Variants in PUS1 observed in about 807,000 individuals in gnomAD.
The protein encoded by PUS1 is pseudouridylate synthase 1 homolog.
In PUS1, 25 loss-of-function variants were observed where a neutral mutation model predicts 38.5. The observed-to-expected ratio is 0.65, with a 90% CI of 0.47 to 0.91. PUS1 has a LOEUF of 0.91. Ranked by LOEUF, PUS1 falls within the 40% of genes least tolerant of loss-of-function variation. The pLI is 0.00. For missense variants in PUS1, 597 were observed against 612.3 expected (o/e 0.97, Z 0.26); for synonymous variants, 282 against 260.4 (o/e 1.08, Z -0.80).
At chr12:131,931,796 G>T in intron 2 of PUS1, 2 of 375,830 alleles carry the variant, frequency 5.3e-6, no homozygotes, top group Non-Finnish European at 9.9e-6. Flanking sequence ...CTCCCAAAGT[G>T]CTGGGATTAC....
Position 131,941,036 on chromosome 12 carries a change from C to T in PUS1, c.545-256C>T, listed in dbSNP as rs1250470006. 3 of 546,460 alleles carry T rather than the reference C, an allele frequency of 5.5e-6. No homozygotes were observed. Among genetic ancestry groups the T allele is most frequent in the African/African-American group, 1.9e-5 (1 of 53,056 alleles). The allele number at this position is 546,460 out of a possible 1,614,324, so 33.9% of individuals were successfully genotyped here. ...GTTGGAGACATTCCGTATCTTCTCACTATTGGAAAATTACAATAAATGGTT... is the reference window on the plus strand; with the variant it reads ...GTTGGAGACATTCCGTATCTTCTCATTATTGGAAAATTACAATAAATGGTT... On this transcript the variant is annotated intron_variant, in intron 4 of 5. Transcript: ENST00000376649. This position sits in a 1 kb window ranked among gnomAD's most constrained non-coding sequence, Gnocchi z 4.4.
chr12:131,939,945 G>C (rs1890993548), intron 4 of PUS1, among the ~76,000 whole-genome samples: 1 of 152,144 alleles, frequency 6.6e-6, no homozygotes, highest in African/African-American at 2.4e-5. Context: ...GGCTGGGCGT[G>C]AATCTGTCGT....
At position 131,930,224 on chromosome 12, in the gene PUS1, G is replaced by T. The variant is rs10902480; in HGVS notation, c.303+89G>T. On this transcript the variant is annotated intron_variant, in intron 2 of 5. Transcript: ENST00000376649. ...GCGGTGGGTCCGGCTGGGTTTAGGTGCAGGAGCGGTCGCCCAGGTAGCGGC... is the reference window on the plus strand; with the variant it reads ...GCGGTGGGTCCGGCTGGGTTTAGGTTCAGGAGCGGTCGCCCAGGTAGCGGC... 0.82 allele frequency: 728,909 copies of T among 892,950 alleles called. 300,138 individuals are homozygous for T. Among genetic ancestry groups the T allele is most frequent in the South Asian group, 0.9 (32,981 of 36,446 alleles). The allele number at this position is 892,950 out of a possible 1,614,324, so 55.3% of individuals were successfully genotyped here.
chr12:131,941,601 AGG>A lies in PUS1; in HGVS notation c.856_857del (p.Gly286ProfsTer25). On this transcript the variant is annotated frameshift_variant, in exon 5 of 6. Transcript: ENST00000376649. LOFTEE classifies it high-confidence loss of function. The surrounding 1 kb of genome is among the most constrained non-coding windows in gnomAD (Gnocchi z 4.4). ...CTGGAGTTTGCGGTGATCAGGGTGA[AGG>A]GCCAGAGCTTCATGATGCATCAGAT... The A allele has an allele frequency of 1.2e-6, 2 of 1,614,186 alleles. No individual in the cohort carries two copies. The highest frequency in any genetic ancestry group is 2.7e-5 in the African/African-American group (2 of 75,050).
At chr12:131,942,469 C>T (rs965535235) in intron 5 of PUS1, among the ~76,000 whole-genome samples, 24 of 152,142 alleles carry the variant, frequency 1.6e-4, no homozygotes, top group Admixed American at 1.2e-3. Flanking sequence ...TGCAGTGGCG[C>T]GATCTCGGCT....
chr12:131,941,826 A>G lies in PUS1; in HGVS notation c.1079A>G (p.Gln360Arg). Residue 360 changes from glutamine to arginine, a missense_variant, in exon 5 of 6, where the codon CAG (glutamine) becomes CGG (arginine). Physicochemically the swap from Gln to Arg is conservative, Grantham distance 43 (BLOSUM62 1). Transcript: ENST00000376649. The surrounding 1 kb of genome is among the most constrained non-coding windows in gnomAD (Gnocchi z 4.4). ...DGLHEPLDWA[Q>R]EEGKVAAFKE... ...CTGCATGAGCCGCTGGACTGGGCGCAGGAGGAAGGAAAGGTCGCAGCCTTC... is the reference window on the plus strand; with the variant it reads ...CTGCATGAGCCGCTGGACTGGGCGCGGGAGGAAGGAAAGGTCGCAGCCTTC... The G allele has an allele frequency of 2.5e-6, 4 of 1,614,024 alleles. No homozygotes were observed. The highest frequency in any genetic ancestry group is 2.2e-5 in the South Asian group (2 of 91,086).
At chr12:131,937,760 G>C (rs1018157823) in intron 3 of PUS1, among the ~76,000 whole-genome samples, 6 of 152,060 alleles carry the variant, frequency 3.9e-5, no homozygotes, top group African/African-American at 1.4e-4. Context: ...TGCCCAGGCT[G>C]GTCTTGAACT....
chr12:131,930,721 T>A (rs1890564822), intron 2 of PUS1, among the ~76,000 whole-genome samples: 1 of 152,144 alleles, frequency 6.6e-6, no homozygotes, highest in Non-Finnish European at 1.5e-5. Context: ...CCTCCTGGGC[T>A]CAAGAGATCC....
chr12:131,930,256 G>A, intron 2 of PUS1, 121 bp downstream of exon 2: 4 of 569,620 alleles, frequency 7.0e-6, no homozygotes, highest in Non-Finnish European at 1.1e-5. Flanking sequence ...CGGCGGGTCC[G>A]GCAGGATTTA....
chr12:131,929,880 C>T (rs1363061862), intron 1 of PUS1, 27 bp from the exon 2 acceptor site: 3 of 1,457,126 alleles, frequency 2.1e-6, no homozygotes, highest in Middle Eastern at 4.7e-4. Context: ...CCGAGCGGGC[C>T]CCCGCTCACG....
rs772354210 is a variant in PUS1 at position 131,929,697 on chromosome 12, G to A, written c.-26G>A. 8 of 1,562,404 alleles carry A rather than the reference G, an allele frequency of 5.1e-6. No individual in the cohort carries two copies. Among genetic ancestry groups the A allele is most frequent in the Non-Finnish European group, 6.9e-6 (8 of 1,161,618 alleles). The stretch of plus-strand genomic sequence containing the variant: ...GGGTCAGGGGTCGGGGATCAGGGCG[G>A]GGTCGGGTGCACTGGTAGCCTGCGC... On this transcript the variant is annotated 5_prime_UTR_variant, in exon 1 of 6. Transcript: ENST00000376649.
At chr12:131,935,855 G>A (rs922889870) in intron 3 of PUS1, among the ~76,000 whole-genome samples, 1 of 151,934 alleles carries the variant, frequency 6.6e-6, no homozygotes, top group South Asian at 2.1e-4. Flanking sequence ...TTGTGTGTGT[G>A]TATTTCTGCT....
At chr12:131,938,967 T>C (rs1194653944) in intron 3 of PUS1, among the ~76,000 whole-genome samples, 1 of 152,160 alleles carries the variant, frequency 6.6e-6, no homozygotes, top group Non-Finnish European at 1.5e-5. Context: ...AGTCTCGATC[T>C]CCTGACCTCG....
At chr12:131,942,570 C>T (rs1302064428) in intron 5 of PUS1, among the ~76,000 whole-genome samples, 2 of 152,112 alleles carry the variant, frequency 1.3e-5, no homozygotes, top group South Asian at 2.1e-4. Flanking sequence ...CCACGCCCGG[C>T]TCATTTTTTG....
chr12:131,942,493 G>A (rs961627564), intron 5 of PUS1, among the ~76,000 whole-genome samples: 35 of 151,938 alleles, frequency 2.3e-4, no homozygotes, highest in African/African-American at 4.8e-4. Flanking sequence ...TGCAAGCTCC[G>A]CCTCCCGGGT....
rs116003934 is a variant in PUS1, at chr12:131,943,602, C to T, written c.*16C>T. The T allele has an allele frequency of 2.9e-3, 4,695 of 1,609,636 alleles. 121 individuals carry two copies. The African/African-American group carries it at 0.053, about 18-fold the overall frequency. On this transcript the variant is annotated 3_prime_UTR_variant, in exon 6 of 6. Coordinates refer to ENST00000376649, the MANE Select transcript of PUS1 (RefSeq NM_025215.6). ...CACTGACTGAGGCGATGGGAGCTGC[C>T]CACCAGAGTGCCTCTGAGCAGCTCA...
chr12:131,934,487 T>A (rs1180675974), intron 3 of PUS1, among the ~76,000 whole-genome samples: 2 of 152,222 alleles, frequency 1.3e-5, no homozygotes, highest in Non-Finnish European at 2.9e-5. Flanking sequence ...ATGGCCTGAT[T>A]TTTCCTAGGT....
Position 131,932,162 on chromosome 12 carries a change from C to G in PUS1, c.304-13C>G. On this transcript the variant is annotated splice_polypyrimidine_tract_variant and intron_variant, in intron 2 of 5. Transcript: ENST00000376649. ...TGCAAAATATAAAATCTGTTTTTGT[C>G]TCCTTTTTCCAGAGGAATGTCGGGT... 1 of 1,613,530 alleles carries G rather than the reference C, an allele frequency of 6.2e-7. No homozygotes were observed.
chr12:131,940,031 C>T (rs1157790090), intron 4 of PUS1, among the ~76,000 whole-genome samples: 1 of 151,362 alleles, frequency 6.6e-6, no homozygotes, highest in Non-Finnish European at 1.5e-5. Flanking sequence ...CCTGACTGGT[C>T]TGCTTGGAGA....
Sources: gnomAD v4.1 joint callset for allele counts (sites outside exome capture counted in the v4.1 genomes callset) on GRCh38, gnomAD v4.1.1 for gene constraint, Gnocchi (gnomAD v3.1) non-coding constraint, MANE v1.5 for transcripts, NCBI Gene and HGNC (gene_info 2026-07-23, HGNC 2026-07-21) for gene names.